The following ERICH1 variants were observed in gnomAD, a reference collection of about 807,000 sequenced individuals.
ERICH1 encodes the protein glutamate-rich protein 1.
A neutral mutation model predicts 39.6 loss-of-function variants in ERICH1; 56 were observed. The ratio of observed to expected loss-of-function variants is 1.41; its 90% CI spans 1.14 to 1.77. ERICH1 has a LOEUF of 1.77. Among genes scored for constraint, ERICH1 ranks in the 40% most tolerant of loss-of-function variants. The pLI is 0.00. For synonymous variants in ERICH1, 313 were observed against 223.6 expected, an observed-to-expected ratio of 1.40 and a Z score of -3.57; for missense variants, 826 against 575.4, an observed-to-expected ratio of 1.44 and a Z score of -4.45.
chr8:653,611 A>G (rs975165347), intron 3 of ERICH1, among the ~76,000 whole-genome samples: 4 of 152,248 alleles, frequency 2.6e-5, no homozygotes, highest in African/African-American at 7.2e-5. Context: ...TTCATGAATC[A>G]TTCATTGCTC....
At chr8:656,900 T>C (rs1800733435) in intron 3 of ERICH1, 1 of 946,542 alleles carries the variant, frequency 1.1e-6, no homozygotes, top group Admixed American at 6.2e-5. Flanking sequence ...GATTAATTCA[T>C]TTAAGATAAA....
intron 3 of ERICH1, among the ~76,000 whole-genome samples, chr8:677,686 A>T (rs182552808): frequency 6.6e-6 from 1 of 152,056 alleles, no homozygotes; most frequent in African/African-American, 2.4e-5. Flanking sequence ...AGGTTCTGTT[A>T]AAAAAAGATG....
intron 3 of ERICH1, among the ~76,000 whole-genome samples, chr8:687,739 G>A (rs998211486): frequency 2.0e-5 from 3 of 152,068 alleles, no homozygotes; most frequent in Admixed American, 2.0e-4. Flanking sequence ...CGCCGCGCCC[G>A]GGGGAGCGCG....
At chr8:661,387 C>G (rs968618962), downstream of ERICH1, among the ~76,000 whole-genome samples, 1 of 152,132 alleles carries the variant, frequency 6.6e-6, no homozygotes, top group African/African-American at 2.4e-5. Context: ...CCTCTCTTCT[C>G]AGGCTCTGCA....
intron 3 of ERICH1, among the ~76,000 whole-genome samples, chr8:639,399 T>G (rs1005016966): frequency 1.3e-5 from 2 of 152,140 alleles, no homozygotes; most frequent in African/African-American, 4.8e-5. Flanking sequence ...CTAGAAGAAG[T>G]GATAGAGAAA....
chr8:631,241 G>A (rs1012273905), intron 3 of ERICH1, among the ~76,000 whole-genome samples: 2 of 152,248 alleles, frequency 1.3e-5, no homozygotes, highest in Non-Finnish European at 2.9e-5. Flanking sequence ...ATGCCTGGGT[G>A]CTGCCCACAC....
intron 3 of ERICH1, among the ~76,000 whole-genome samples, chr8:654,787 G>A (rs560398020): frequency 3.3e-5 from 5 of 152,280 alleles, no homozygotes; most frequent in East Asian, 1.9e-4. Flanking sequence ...GGGGCAGGCA[G>A]TGGTGTCCAT....
chr8:674,536 T>G (rs952394186), intron 3 of ERICH1, among the ~76,000 whole-genome samples: 3 of 152,186 alleles, frequency 2.0e-5, no homozygotes, highest in Admixed American at 2.0e-4. Context: ...ACTCCTGGTC[T>G]CAAGTGATCC....
chr8:635,365 G>A (rs2117155583), intron 3 of ERICH1, among the ~76,000 whole-genome samples: 1 of 152,310 alleles, frequency 6.6e-6, no homozygotes, highest in Non-Finnish European at 1.5e-5. Context: ...CGGGCCGTTG[G>A]GACCAGCCTG....
chr8:625,075 C>T (rs921956584), intron 3 of ERICH1, among the ~76,000 whole-genome samples: 17 of 152,188 alleles, frequency 1.1e-4, no homozygotes, highest in African/African-American at 4.1e-4. Context: ...GCCACAAGAA[C>T]AGCGAGGTGG....
chr8:726,631 AACACACAGACACACATGTACACAAGTGCC>A (rs1356330623), intron 1 of ERICH1, among the ~76,000 whole-genome samples: 1 of 150,016 alleles, frequency 6.7e-6, no homozygotes, highest in Non-Finnish European at 1.5e-5. Flanking sequence ...GACACAGGTG[AACACACAGACACACATGTACACAAGTGCC>A]ACACACAGAC....
intron 1 of ERICH1, among the ~76,000 whole-genome samples, chr8:727,060 C>A (rs1314335768): frequency 6.6e-6 from 1 of 150,878 alleles, no homozygotes; most frequent in African/African-American, 2.4e-5. Context: ...CACATGCACA[C>A]ACGTACACAT....
intron 2 of ERICH1, among the ~76,000 whole-genome samples, chr8:707,727 T>A (rs62484216): frequency 2.5e-4 from 38 of 152,318 alleles, no homozygotes; most frequent in African/African-American, 8.7e-4. Flanking sequence ...TTTGTGGCCT[T>A]TGATTAGGCA....
intron 1 of ERICH1, among the ~76,000 whole-genome samples, chr8:728,063 G>A (rs549239961): frequency 6.6e-6 from 1 of 152,326 alleles, no homozygotes; most frequent in East Asian, 1.9e-4. Flanking sequence ...TGAGGCTGTG[G>A]TCCTCACCCC....
rs773984116 is a variant in ERICH1 at position 711,643 on chromosome 8, G to A, written c.169+4218C>T. On this transcript the variant is annotated intron_variant, in intron 2 of 5. Coordinates refer to ENST00000262109, the MANE Select transcript of ERICH1 (RefSeq NM_207332.3). Reference sequence around the variant, plus strand: ...CTACCGAGTGGCTGGGACTACAGGCGCCCGCCACCATGCCCAGCTGATTTT... The same window carrying A: ...CTACCGAGTGGCTGGGACTACAGGCACCCGCCACCATGCCCAGCTGATTTT... 7.2e-4 allele frequency among the ~76,000 whole-genome samples: 110 copies of A among 152,044 alleles called. 1 individual carries two copies. The highest frequency in any genetic ancestry group is 9.7e-5 in the African/African-American group (4 of 41,448).
chr8:660,852 G>A (rs921448946), downstream of ERICH1, among the ~76,000 whole-genome samples: 10 of 152,044 alleles, frequency 6.6e-5, no homozygotes, highest in Non-Finnish European at 1.2e-4. Context: ...TGAGCTATAT[G>A]GGACTGCTCT....
intron 3 of ERICH1, among the ~76,000 whole-genome samples, chr8:657,804 T>A (rs1800856474): frequency 1.3e-5 from 2 of 151,804 alleles, no homozygotes; most frequent in African/African-American, 2.4e-5. Context: ...ATGAGAGGGA[T>A]TTTCAGAGGA....
chr8:694,673 G>A (rs4735906), intron 2 of ERICH1, among the ~76,000 whole-genome samples: 144 of 152,172 alleles, frequency 9.5e-4, no homozygotes, highest in Non-Finnish European at 1.7e-3. Flanking sequence ...CGGCTTGCTC[G>A]TCTGTGAATC....
At chr8:692,341 G>C in intron 3 of ERICH1, 137 bp downstream of exon 3, 2 of 1,255,700 alleles carry the variant, frequency 1.6e-6, no homozygotes, top group Non-Finnish European at 2.2e-6. Context: ...ACACCATGTG[G>C]TTCATTATAC....
Sources: allele counts gnomAD v4.1 joint callset (sites outside exome capture counted in the v4.1 genomes callset), GRCh38; gene constraint gnomAD v4.1.1; transcripts MANE v1.5; gene names NCBI Gene and HGNC (gene_info 2026-07-23, HGNC 2026-07-21).